COL24A1: variants seen among roughly 807,000 people sequenced by gnomAD.
COL24A1 encodes the protein collagen type XXIV alpha 1 chain, also known as collagen alpha-1(XXIV) chain.
A neutral mutation model predicts 253.9 loss-of-function variants in COL24A1; 224 were observed. The ratio of observed to expected loss-of-function variants is 0.88; its 90% CI spans 0.79 to 0.99. The LOEUF (loss-of-function observed/expected upper bound fraction) is 0.99. Among genes scored for constraint, COL24A1 ranks in the 50% least tolerant of loss-of-function variants. The pLI is 0.00. For missense variants in COL24A1, 2,131 were observed against 2,068.5 expected, an observed-to-expected ratio of 1.03 and a Z score of -0.59; for synonymous variants, 685 against 673.7, an observed-to-expected ratio of 1.02 and a Z score of -0.26.
chr1:86,146,334 T>C, intron 1 of COL24A1, 151 bp from the exon 2 acceptor site: 1 of 608,874 alleles, frequency 1.6e-6, no homozygotes, highest in South Asian at 3.2e-5. Context: ...GACCAAAGGC[T>C]CTGAAGTGAA....
intron 24 of COL24A1, among the ~76,000 whole-genome samples, chr1:85,944,054 G>A (rs1303879032): frequency 1.3e-5 from 2 of 152,102 alleles, no homozygotes; most frequent in Admixed American, 1.3e-4. Context: ...TTGTACATTC[G>A]CATTTGTGAA....
Position 85,955,033 on chromosome 1 carries a change from C to T in COL24A1, c.2562+6216G>A, listed in dbSNP as rs142109265. Among the ~76,000 whole-genome samples the T allele has an allele frequency of 3.6e-4, 55 of 152,278 alleles. 1 individual carries two copies. The East Asian group carries it at 0.01, about 28-fold the overall frequency. On this transcript the variant is annotated intron_variant, in intron 24 of 59. Transcript: ENST00000370571. ...AAGGGCTGGGTAACTGGTGAGGGCT[C>T]CACCCTCAGGCCTGTGCCTAGGATG...
chr1:85,919,273 A>G (rs575636265), intron 24 of COL24A1, among the ~76,000 whole-genome samples: 3 of 152,318 alleles, frequency 2.0e-5, no homozygotes, highest in Admixed American at 2.0e-4. Context: ...CTGATGCAAT[A>G]TGTCCTTTTA....
At chr1:85,884,573 A>C (rs947523309) in intron 32 of COL24A1, among the ~76,000 whole-genome samples, 11 of 152,240 alleles carry the variant, frequency 7.2e-5, no homozygotes, top group African/African-American at 2.4e-4. Flanking sequence ...TCAGTCTTTT[A>C]GTGAGTCTGA....
At chr1:85,789,113 G>C (rs1274424232) in intron 47 of COL24A1, among the ~76,000 whole-genome samples, 1 of 152,130 alleles carries the variant, frequency 6.6e-6, no homozygotes, top group Non-Finnish European at 1.5e-5. Flanking sequence ...GTCAATGGTA[G>C]TTTTATGGGA....
intron 7 of COL24A1, among the ~76,000 whole-genome samples, chr1:86,083,449 A>T (rs1003665409): frequency 1.3e-5 from 2 of 152,052 alleles, no homozygotes; most frequent in African/African-American, 4.8e-5. Flanking sequence ...CAGGACAAAA[A>T]GATGTGACTA....
chr1:85,910,005 T>A lies in COL24A1; in HGVS notation c.2617-2A>T, dbSNP rs371989999. The A allele has an allele frequency of 1.2e-6, 2 of 1,606,110 alleles. No homozygotes were observed. The highest frequency in any genetic ancestry group is 2.7e-5 in the African/African-American group (2 of 74,670). Reference sequence around the variant, plus strand: ...TGGGCCTGGACTTCCACGTTCTCCCTTTTAAGAGAACAAAGAAAAAAGAGT... The same window carrying A: ...TGGGCCTGGACTTCCACGTTCTCCCATTTAAGAGAACAAAGAAAAAAGAGT... On this transcript the variant is annotated splice_acceptor_variant, in intron 25 of 59. Coordinates refer to ENST00000370571, the MANE Select transcript of COL24A1 (RefSeq NM_152890.7). LOFTEE classifies it high-confidence loss of function.
intron 19 of COL24A1, among the ~76,000 whole-genome samples, chr1:85,999,545 C>G (rs927429963): frequency 1.3e-5 from 2 of 152,006 alleles, no homozygotes; most frequent in Non-Finnish European, 2.9e-5. Context: ...ACTGCTTGAG[C>G]CTGGAGGCTG....
In COL24A1 at chr1:85,841,276, G is replaced by A; in HGVS notation, c.3573C>T (p.Gly1191=). Residue 1191 remains glycine, a splice_region_variant and synonymous_variant, in exon 42 of 60, where the codon GGC becomes GGT. Coordinates refer to ENST00000370571, the MANE Select transcript of COL24A1 (RefSeq NM_152890.7). ...SGLPGPKGEK[G]YPGEDSTVLG... is the part of the protein sequence containing the mutation. Reference sequence around the variant, plus strand: ...GGACTGTGCTATCTTCTCCTGGGTAGCCCTAAAATGAAATAATGATTTATA... The same window carrying A: ...GGACTGTGCTATCTTCTCCTGGGTAACCCTAAAATGAAATAATGATTTATA... 6.3e-7 allele frequency: 1 copy of A among 1,591,398 alleles called. No homozygotes were observed. The highest frequency in any genetic ancestry group is 1.1e-5 in the South Asian group (1 of 87,052).
intron 24 of COL24A1, among the ~76,000 whole-genome samples, chr1:85,939,277 T>C (rs1231260566): frequency 6.6e-6 from 1 of 152,200 alleles, no homozygotes; most frequent in Non-Finnish European, 1.5e-5. Flanking sequence ...TATACCTTTA[T>C]TCAATGTTCA....
chr1:85,835,632 T>TTTTAAATTCTGTG (rs1457598772), intron 43 of COL24A1, among the ~76,000 whole-genome samples: 1 of 152,138 alleles, frequency 6.6e-6, no homozygotes, highest in Non-Finnish European at 1.5e-5. Context: ...TGGATGAACT[T>TTTTAAATTCTGTG]TTAAAACACT....
intron 53 of COL24A1, among the ~76,000 whole-genome samples, chr1:85,764,771 TTTTTTAA>T (rs1252060266): frequency 2.0e-5 from 3 of 152,124 alleles, no homozygotes; most frequent in Non-Finnish European, 4.4e-5. Flanking sequence ...TGATGTGTGT[TTTTTTAA>T]TTTTTAAATT....
At chr1:86,131,686 T>C (rs1649231995) in intron 2 of COL24A1, among the ~76,000 whole-genome samples, 6 of 152,156 alleles carry the variant, frequency 3.9e-5, no homozygotes, top group Admixed American at 3.9e-4. Flanking sequence ...ACAAAGGACA[T>C]GAACTCATCA....
chr1:86,077,270 A>G (rs1250678755), intron 7 of COL24A1, among the ~76,000 whole-genome samples: 1 of 152,212 alleles, frequency 6.6e-6, no homozygotes, highest in African/African-American at 2.4e-5. Context: ...GAGAAATGCA[A>G]ATCAAAACCA....
At chr1:86,152,863 A>C (rs934963935) in intron 1 of COL24A1, among the ~76,000 whole-genome samples, 15 of 152,192 alleles carry the variant, frequency 9.9e-5, no homozygotes, top group African/African-American at 3.6e-4. Flanking sequence ...GGTGGTCTTG[A>C]GTTTCAACAA....
intron 14 of COL24A1, among the ~76,000 whole-genome samples, chr1:86,031,000 A>C (rs1698522524): frequency 6.6e-6 from 1 of 151,806 alleles, no homozygotes; most frequent in Non-Finnish European, 1.5e-5. Context: ...AGATATTTGC[A>C]CTCCCATGTT....
chr1:86,108,620 T>TAAAGAAAAAAAA (rs1491169938), intron 5 of COL24A1, among the ~76,000 whole-genome samples: 20 of 83,098 alleles, frequency 2.4e-4, no homozygotes, highest in South Asian at 1.5e-3. Flanking sequence ...CCATCTCTAC[T>TAAAGAAAAAAAA]AAAAAAAAAA....
intron 24 of COL24A1, among the ~76,000 whole-genome samples, chr1:85,960,530 A>G (rs1351595218): frequency 6.6e-6 from 1 of 152,124 alleles, no homozygotes; most frequent in Admixed American, 6.6e-5. Context: ...AACTTTTCAA[A>G]CCTAAAGAAA....
At chr1:85,982,181 T>C (rs1257733786) in intron 20 of COL24A1, among the ~76,000 whole-genome samples, 2 of 152,020 alleles carry the variant, frequency 1.3e-5, no homozygotes, top group Non-Finnish European at 2.9e-5. Flanking sequence ...AAAGAACAAA[T>C]GCATAATTCC....
Sources: gnomAD v4.1 joint callset for allele counts (sites outside exome capture counted in the v4.1 genomes callset) on GRCh38, gnomAD v4.1.1 for gene constraint, MANE v1.5 for transcripts, NCBI Gene and HGNC (gene_info 2026-07-23, HGNC 2026-07-21) for gene names.